NLGN1: variants seen among roughly 807,000 people sequenced by gnomAD.
NLGN1 encodes the protein neuroligin 1.
Under a neutral mutation model 65.5 loss-of-function variants are expected in NLGN1, and 12 were observed. The observed-to-expected ratio is 0.18, with a 90% CI of 0.12 to 0.30. The LOEUF is 0.30. Among genes scored for constraint, NLGN1 ranks in the 10% least tolerant of loss-of-function variants. NLGN1 has a pLI of 1.00. For missense variants in NLGN1, 750 were observed against 1,007.1 expected (o/e 0.74, Z 3.46); for synonymous variants, 350 against 359.5 (o/e 0.97, Z 0.30).
chr3:173,931,750 A>G (rs1380438247), intron 4 of NLGN1, among the ~76,000 whole-genome samples: 1 of 152,140 alleles, frequency 6.6e-6, no homozygotes, highest in East Asian at 1.9e-4. Context: ...AAAAGATTTG[A>G]CCTATATTTA....
At chr3:174,170,617 C>T (rs1728344088) in intron 4 of NLGN1, among the ~76,000 whole-genome samples, 1 of 152,164 alleles carries the variant, frequency 6.6e-6, no homozygotes, top group Admixed American at 6.5e-5. Context: ...TATTGAATTA[C>T]ATACATGTGA....
At chr3:174,087,493 C>T (rs1333859817) in intron 4 of NLGN1, among the ~76,000 whole-genome samples, 1 of 152,036 alleles carries the variant, frequency 6.6e-6, no homozygotes, top group African/African-American at 2.4e-5. Flanking sequence ...AATTATACCA[C>T]GAAAGAAAAA....
intron 4 of NLGN1, among the ~76,000 whole-genome samples, chr3:173,944,521 C>A (rs1560694330): frequency 6.6e-6 from 1 of 152,074 alleles, no homozygotes; most frequent in Non-Finnish European, 1.5e-5. Flanking sequence ...TTATCCCTCT[C>A]CTAAACCTAG....
intron 3 of NLGN1, among the ~76,000 whole-genome samples, chr3:173,796,592 A>G (rs1366067079): frequency 6.6e-6 from 1 of 152,122 alleles, no homozygotes; most frequent in East Asian, 1.9e-4. Flanking sequence ...CTACTCTCCT[A>G]TTAACTCTAA....
At chr3:174,275,805 A>G (rs1424606929) in intron 5 of NLGN1, among the ~76,000 whole-genome samples, 1 of 151,902 alleles carries the variant, frequency 6.6e-6, no homozygotes, top group Non-Finnish European at 1.5e-5. Context: ...TGATTTGAAG[A>G]AAAAATCAGA....
chr3:173,894,704 A>G (rs1736028849), intron 4 of NLGN1, among the ~76,000 whole-genome samples: 1 of 141,618 alleles, frequency 7.1e-6, no homozygotes, highest in Non-Finnish European at 1.5e-5. Context: ...ATGGCACATT[A>G]TTGGTTCACT....
intron 3 of NLGN1, among the ~76,000 whole-genome samples, chr3:173,721,080 A>G (rs1022847745): frequency 2.0e-5 from 3 of 152,248 alleles, no homozygotes; most frequent in Non-Finnish European, 4.4e-5. Context: ...GCTCATATGC[A>G]CACAACGCTA....
Position 174,279,344 on chromosome 3 carries a change from A to G in NLGN1, c.1343A>G (p.Asn448Ser). 2 of 1,613,464 alleles carry G rather than the reference A, an allele frequency of 1.2e-6. No individual in the cohort carries two copies. Among genetic ancestry groups the G allele is most frequent in the Non-Finnish European group, 1.7e-6 (2 of 1,179,602 alleles). ...TATACTGACTGGGCTGACCGTCATAACCCTGAAACCAGAAGAAAGACATTA... is the reference window on the plus strand; with the variant it reads ...TATACTGACTGGGCTGACCGTCATAGCCCTGAAACCAGAAGAAAGACATTA... Residue 448 changes from asparagine (N) to serine (S), a missense_variant, in exon 6 of 7, where the codon AAC becomes AGC. Physicochemically the swap from Asn to Ser is conservative, Grantham distance 46. Transcript: ENST00000457714. This position sits in a 1 kb window ranked among gnomAD's most constrained non-coding sequence, Gnocchi z 4.7.
intron 2 of NLGN1, among the ~76,000 whole-genome samples, chr3:173,584,399 A>ATTT (rs66827074): frequency 0.046 from 1,427 of 30,852 alleles, 226 homozygotes; most frequent in Non-Finnish European, 0.051. Context: ...GGTCCTCGGC[A>ATTT]TTTTTTTTTT....
At chr3:174,045,308 A>G (rs151021659) in intron 4 of NLGN1, among the ~76,000 whole-genome samples, 26 of 152,266 alleles carry the variant, frequency 1.7e-4, no homozygotes, top group African/African-American at 5.5e-4. Flanking sequence ...ATCATGGCAG[A>G]AGGGAAAGCA....
intron 3 of NLGN1, among the ~76,000 whole-genome samples, chr3:173,744,757 C>T (rs538651301): frequency 1.3e-5 from 2 of 152,176 alleles, no homozygotes; most frequent in South Asian, 4.1e-4. Context: ...TCTCCCTTTC[C>T]CTATGATCTC....
At chr3:174,061,153 A>G (rs1186698876) in intron 4 of NLGN1, among the ~76,000 whole-genome samples, 1 of 152,000 alleles carries the variant, frequency 6.6e-6, no homozygotes, top group Admixed American at 6.6e-5. Context: ...AAAAGGTCGT[A>G]ATGAAGTTCT....
chr3:173,876,991 A>G (rs777688144), intron 4 of NLGN1, among the ~76,000 whole-genome samples: 2 of 152,166 alleles, frequency 1.3e-5, no homozygotes, highest in Non-Finnish European at 2.9e-5. Context: ...GGATATTCAA[A>G]TTGGTGAGTA....
At chr3:174,085,163 A>G (rs9836379) in intron 4 of NLGN1, among the ~76,000 whole-genome samples, 3,799 of 150,440 alleles carry the variant, frequency 0.025, 147 homozygotes, top group African/African-American at 0.082. Flanking sequence ...AAGTGTAACA[A>G]AATGTTAGGT....
At chr3:173,549,777 TGAAGGACAA>T (rs2149260232) in intron 2 of NLGN1, among the ~76,000 whole-genome samples, 1 of 152,206 alleles carries the variant, frequency 6.6e-6, no homozygotes, top group South Asian at 2.1e-4. Flanking sequence ...CCTTAGGATT[TGAAGGACAA>T]GCCAATCCTG....
At chr3:173,397,771 G>A (rs1716877212), upstream of NLGN1, 1 of 152,206 alleles carries the variant, frequency 6.6e-6, no homozygotes, top group Non-Finnish European at 1.5e-5. Context: ...AGGATCAGGC[G>A]GCGGCGCGGA....
At chr3:173,864,922 A>G (rs1442656865) in intron 4 of NLGN1, among the ~76,000 whole-genome samples, 1 of 152,166 alleles carries the variant, frequency 6.6e-6, no homozygotes. Context: ...TTTTAGGGGG[A>G]AAAATACGGT....
chr3:174,150,501 T>A (rs1724119284), intron 4 of NLGN1, among the ~76,000 whole-genome samples: 1 of 152,084 alleles, frequency 6.6e-6, no homozygotes, highest in Admixed American at 6.6e-5. Context: ...ATGAATCCTA[T>A]AGAGTAAAAT....
chr3:173,973,566 C>G (rs981901772), intron 4 of NLGN1, among the ~76,000 whole-genome samples: 29 of 150,978 alleles, frequency 1.9e-4, no homozygotes, highest in Non-Finnish European at 3.5e-4. Flanking sequence ...TTTTTGGAAA[C>G]ACTTTAAATG....
Sources: gnomAD v4.1 joint callset for allele counts (sites outside exome capture counted in the v4.1 genomes callset) on GRCh38, gnomAD v4.1.1 for gene constraint, Gnocchi (gnomAD v3.1) non-coding constraint, MANE v1.5 for transcripts, NCBI Gene and HGNC (gene_info 2026-07-23, HGNC 2026-07-21) for gene names.